Variants in B3GALT1 observed in about 807,000 individuals in gnomAD.
The protein encoded by B3GALT1 is UDP-Gal:betaGlcNAc beta 1,3-galactosyltransferase, polypeptide 1.
A neutral mutation model predicts 23.2 loss-of-function variants in B3GALT1; 10 were observed. That is an observed-to-expected ratio of 0.43 (90% confidence interval 0.27 to 0.73). The LOEUF (loss-of-function observed/expected upper bound fraction) is 0.73. Among genes scored for constraint, B3GALT1 ranks in the 30% least tolerant of loss-of-function variants. B3GALT1 has a pLI of 0.21. For missense variants in B3GALT1, 299 were observed against 405.4 expected (o/e 0.74, Z 2.25); for synonymous variants, 156 against 141.5 (o/e 1.10, Z -0.73).
At chr2:167,775,537 C>G (rs1252329024) in intron 3 of B3GALT1, among the ~76,000 whole-genome samples, 1 of 147,974 alleles carries the variant, frequency 6.8e-6, no homozygotes. Flanking sequence ...CCACTGCACT[C>G]TAGCTGGGAC....
At chr2:167,432,700 A>C (rs1698723828) in intron 1 of B3GALT1, among the ~76,000 whole-genome samples, 1 of 152,194 alleles carries the variant, frequency 6.6e-6, no homozygotes, top group Non-Finnish European at 1.5e-5. Context: ...CTATGAAAAG[A>C]TTTTACAATA....
chr2:167,823,651 A>G (rs1353301048), intron 4 of B3GALT1, among the ~76,000 whole-genome samples: 6 of 152,252 alleles, frequency 3.9e-5, no homozygotes, highest in African/African-American at 1.4e-4. Flanking sequence ...CATATGGAAC[A>G]CATTCTACAT....
intron 1 of B3GALT1, among the ~76,000 whole-genome samples, chr2:167,380,871 T>C (rs1697838886): frequency 6.6e-6 from 1 of 152,160 alleles, no homozygotes; most frequent in African/African-American, 2.4e-5. Flanking sequence ...GGGAGCTGTT[T>C]GTTGGCATTC....
At chr2:167,703,916 T>C (rs564564382) in intron 3 of B3GALT1, among the ~76,000 whole-genome samples, 2 of 152,192 alleles carry the variant, frequency 1.3e-5, no homozygotes, top group African/African-American at 2.4e-5. Context: ...GCGCGGTGGC[T>C]CACACCTGTA....
chr2:167,316,922 G>A (rs1005220832), intron 1 of B3GALT1, among the ~76,000 whole-genome samples: 1 of 151,998 alleles, frequency 6.6e-6, no homozygotes, highest in Non-Finnish European at 1.5e-5. Flanking sequence ...ACTAACAAAG[G>A]GAATATCATA....
intron 3 of B3GALT1, among the ~76,000 whole-genome samples, chr2:167,703,081 A>G (rs1686906000): frequency 6.6e-6 from 1 of 152,182 alleles, no homozygotes; most frequent in Admixed American, 6.5e-5. Flanking sequence ...CAGGGGGACA[A>G]TCAATTAGGT....
chr2:167,707,610 A>T (rs1686985302), intron 3 of B3GALT1, among the ~76,000 whole-genome samples: 1 of 151,856 alleles, frequency 6.6e-6, no homozygotes, highest in Non-Finnish European at 1.5e-5. Flanking sequence ...CTCACAAGAC[A>T]TTGCTTCTGC....
At chr2:167,715,807 A>G (rs1018824637) in intron 3 of B3GALT1, 2 of 1,613,710 alleles carry the variant, frequency 1.2e-6, no homozygotes, top group Admixed American at 3.3e-5. Flanking sequence ...ATTTTTCTTC[A>G]ATTAGTCCAG....
rs1206226199 is a variant in B3GALT1, at chr2:167,826,293, T to A, written c.-230+7500T>A. ...TCTCCAGCCTCAACCTGGCCAGGTT[T>A]CCCCTCAAGCCTCCAGAGCCTAAGG... is the stretch of plus-strand genomic sequence containing the variant. On this transcript the variant is annotated intron_variant, in intron 4 of 4. Coordinates refer to ENST00000392690, the MANE Select transcript of B3GALT1 (RefSeq NM_020981.4). Among the ~76,000 whole-genome samples the A allele has an allele frequency of 4.6e-5, 7 of 152,136 alleles. No individual in the cohort carries two copies. The East Asian group carries it at 1.2e-3, about 25-fold the overall frequency.
At chr2:167,525,391 T>A (rs1282748148) in intron 2 of B3GALT1, among the ~76,000 whole-genome samples, 1 of 152,114 alleles carries the variant, frequency 6.6e-6, no homozygotes, top group Non-Finnish European at 1.5e-5. Context: ...CATTTATTAT[T>A]CTTTATAAAC....
intron 1 of B3GALT1, among the ~76,000 whole-genome samples, chr2:167,354,821 G>A (rs1013188718): frequency 6.6e-6 from 1 of 152,028 alleles, no homozygotes; most frequent in Middle Eastern, 3.2e-3. Context: ...GTCTTTTATT[G>A]CCTGCACCAC....
chr2:167,642,717 A>G (rs1685674875), intron 2 of B3GALT1, among the ~76,000 whole-genome samples: 1 of 152,058 alleles, frequency 6.6e-6, no homozygotes, highest in Non-Finnish European at 1.5e-5. Flanking sequence ...CTTCTCATAT[A>G]TTATATATTT....
chr2:167,841,233 AAAAAG>A (rs1689643254), intron 4 of B3GALT1, among the ~76,000 whole-genome samples: 2 of 151,928 alleles, frequency 1.3e-5, no homozygotes, highest in African/African-American at 2.4e-5. Context: ...GAAAAAAAAA[AAAAAG>A]AAAAGCCTTT....
chr2:167,638,641 T>G (rs1411278731), intron 2 of B3GALT1, among the ~76,000 whole-genome samples: 1 of 152,044 alleles, frequency 6.6e-6, no homozygotes, highest in Non-Finnish European at 1.5e-5. Context: ...CACTTTCACT[T>G]TTTGGAACAA....
At position 167,300,300 on chromosome 2, in the gene B3GALT1, T is replaced by A. The variant is rs561799534; in HGVS notation, c.-511+6966T>A. Among the ~76,000 whole-genome samples, 31 of 152,316 alleles carry A rather than the reference T, an allele frequency of 2.0e-4. No individual in the cohort carries two copies. In the South Asian group the frequency reaches 6.4e-3, roughly 32 times the overall value. On this transcript the variant is annotated intron_variant, in intron 1 of 4. Coordinates refer to ENST00000392690, the MANE Select transcript of B3GALT1 (RefSeq NM_020981.4). ...ATTGTAAGCCAGGAATCAGAAGCTA[T>A]TAAAATTCAAAAGCTTCCTAAGGGA...
At chr2:167,546,435 G>T (rs534146982) in intron 2 of B3GALT1, among the ~76,000 whole-genome samples, 82 of 152,170 alleles carry the variant, frequency 5.4e-4, no homozygotes, top group African/African-American at 1.9e-3. Context: ...CAACTGATAA[G>T]GTATGTCCTA....
intron 2 of B3GALT1, among the ~76,000 whole-genome samples, chr2:167,598,418 T>A (rs183261407): frequency 3.0e-4 from 45 of 152,256 alleles, no homozygotes; most frequent in African/African-American, 1.0e-3. Flanking sequence ...AGACAGCCAA[T>A]GTGAGTGACA....
intron 1 of B3GALT1, among the ~76,000 whole-genome samples, chr2:167,303,637 A>G (rs1188072679): frequency 1.2e-4 from 8 of 68,112 alleles, no homozygotes; most frequent in African/African-American, 3.2e-4. Context: ...TCTTGGAAAC[A>G]CACACATACA....
At chr2:167,827,807 T>C (rs186010434) in intron 4 of B3GALT1, among the ~76,000 whole-genome samples, 44 of 152,278 alleles carry the variant, frequency 2.9e-4, no homozygotes, top group Non-Finnish European at 4.9e-4. Flanking sequence ...GGGGTTGAGA[T>C]TGGCCACATC....
Sources: allele counts gnomAD v4.1 joint callset (sites outside exome capture counted in the v4.1 genomes callset), GRCh38; gene constraint gnomAD v4.1.1; transcripts MANE v1.5; gene names NCBI Gene and HGNC (gene_info 2026-07-23, HGNC 2026-07-21).